The following XYLT1 variants were observed in gnomAD, a reference collection of about 807,000 sequenced individuals.
The protein encoded by XYLT1 is xylosyltransferase 1, also known as beta-D-xylosyltransferase 1.
In XYLT1, 36 loss-of-function variants were observed where a neutral mutation model predicts 91.3. The ratio of observed to expected loss-of-function variants is 0.39; its 90% CI spans 0.30 to 0.52. The LOEUF (loss-of-function observed/expected upper bound fraction) is 0.52, where lower values mean the gene tolerates loss of function less well. XYLT1 is among the 20% of genes least tolerant of loss of function. The pLI is 0.68. For synonymous variants in XYLT1, 588 were observed against 532.0 expected, an observed-to-expected ratio of 1.11 and a Z score of -1.45; for missense variants, 1,242 against 1,284.5, an observed-to-expected ratio of 0.97 and a Z score of 0.51.
At chr16:17,406,100 G>T (rs562810570) in intron 1 of XYLT1, among the ~76,000 whole-genome samples, 1 of 152,138 alleles carries the variant, frequency 6.6e-6, no homozygotes. Context: ...CAGGAGAATC[G>T]CTTGAACCTG....
At chr16:17,344,241 G>T (rs985211109) in intron 2 of XYLT1, among the ~76,000 whole-genome samples, 1 of 151,774 alleles carries the variant, frequency 6.6e-6, no homozygotes. Flanking sequence ...CCAGCACTTT[G>T]GGAGGCCAAG....
intron 7 of XYLT1, among the ~76,000 whole-genome samples, chr16:17,139,828 C>T (rs1413107438): frequency 6.6e-6 from 1 of 152,174 alleles, no homozygotes; most frequent in Admixed American, 6.5e-5. Flanking sequence ...AACATGTGTG[C>T]AGAATAGTAA....
chr16:17,351,749 T>TGGGA (rs1555499398), intron 2 of XYLT1, among the ~76,000 whole-genome samples: 2 of 134,844 alleles, frequency 1.5e-5, no homozygotes. Context: ...GCTTTTTTTT[T>TGGGA]GGGGGGGGGT....
At position 17,169,708 on chromosome 16, in the gene XYLT1, A is replaced by G. The variant is rs1301355194; in HGVS notation, c.1290-10799T>C. On this transcript the variant is annotated intron_variant, in intron 5 of 11. Transcript: ENST00000261381. The stretch of plus-strand genomic sequence containing the variant: ...GGGGATCGTGTGTGTGCACATATGT[A>G]TATGAAGTCTATTTAACTGTATTTT... 2.0e-5 allele frequency among the ~76,000 whole-genome samples: 3 copies of G among 152,152 alleles called. No homozygotes were observed. The East Asian group carries it at 5.8e-4, about 29-fold the overall frequency.
At chr16:17,388,056 C>T (rs2141889685) in intron 1 of XYLT1, among the ~76,000 whole-genome samples, 1 of 152,306 alleles carries the variant, frequency 6.6e-6, no homozygotes, top group South Asian at 2.1e-4. Flanking sequence ...ATTTAACGCA[C>T]CTAACCTACC....
chr16:17,426,788 A>C (rs747491667), intron 1 of XYLT1, among the ~76,000 whole-genome samples: 1 of 152,238 alleles, frequency 6.6e-6, no homozygotes, highest in Non-Finnish European at 1.5e-5. Flanking sequence ...GGCCCTTTAC[A>C]GAAAACATTC....
chr16:17,269,929 A>G (rs1228223695), intron 2 of XYLT1, among the ~76,000 whole-genome samples: 2 of 152,086 alleles, frequency 1.3e-5, no homozygotes, highest in East Asian at 3.9e-4. Context: ...CTCCTGCCTC[A>G]GCCTCCTGAG....
rs146457574 is a variant in XYLT1 at position 17,117,905 on chromosome 16, C to T, written c.2298G>A (p.Pro766=). 2.0e-5 allele frequency: 32 copies of T among 1,614,100 alleles called. No individual in the cohort carries two copies. The highest frequency in any genetic ancestry group is 8.0e-5 in the African/African-American group (6 of 75,022). ...CCTTCCCCCACTTCTGCATACCCAC[C>T]GGCTCATCCATGGGCCCCAGAAGAC... The part of the protein sequence containing the change: ...FGGLLGPMDE[P]VGMQKWGKGP... The change falls in exon 11 of 12, where the codon CCG becomes CCA. Residue 766 remains proline, a synonymous_variant. Coordinates refer to ENST00000261381, the MANE Select transcript of XYLT1 (RefSeq NM_022166.4).
At chr16:17,158,965 T>C in intron 5 of XYLT1, 56 bp from the exon 6 acceptor site, 2 of 1,511,752 alleles carry the variant, frequency 1.3e-6, no homozygotes, top group Non-Finnish European at 1.8e-6. Context: ...ACTGTCTTTG[T>C]CACAGAAAGC....
intron 2 of XYLT1, among the ~76,000 whole-genome samples, chr16:17,267,821 C>T (rs562599343): frequency 1.3e-5 from 2 of 152,188 alleles, no homozygotes; most frequent in Non-Finnish European, 2.9e-5. Context: ...TTGTCTGCCT[C>T]AGTTTCCTTC....
chr16:17,111,589 T>C (rs915660437), intron 11 of XYLT1, among the ~76,000 whole-genome samples: 1 of 152,200 alleles, frequency 6.6e-6, no homozygotes, highest in Non-Finnish European at 1.5e-5. Context: ...TATTAACAAG[T>C]GTCCAGAGCA....
intron 6 of XYLT1, among the ~76,000 whole-genome samples, chr16:17,145,812 A>G (rs892720373): frequency 3.9e-5 from 6 of 152,250 alleles, no homozygotes; most frequent in African/African-American, 1.4e-4. Context: ...CTGTGGCACA[A>G]AAATGCTTCC....
chr16:17,465,143 C>CAAAAAAAAAAAAAAAAA (rs35623153), intron 1 of XYLT1, among the ~76,000 whole-genome samples: 1 of 35,872 alleles, frequency 2.8e-5, no homozygotes, highest in East Asian at 9.5e-4. Flanking sequence ...GATGCTGTCT[C>CAAAAAAAAAAAAAAAAA]AAAAAAAAAA....
At chr16:17,143,940 T>C (rs1284085461) in intron 6 of XYLT1, among the ~76,000 whole-genome samples, 1 of 152,220 alleles carries the variant, frequency 6.6e-6, no homozygotes, top group Non-Finnish European at 1.5e-5. Flanking sequence ...ACCACCATCT[T>C]CATCCCCATT....
chr16:17,386,904 G>T (rs2035754417), intron 1 of XYLT1, among the ~76,000 whole-genome samples: 1 of 152,172 alleles, frequency 6.6e-6, no homozygotes, highest in South Asian at 2.1e-4. Flanking sequence ...CATGTCAAAA[G>T]ATGGCAAATT....
intron 1 of XYLT1, among the ~76,000 whole-genome samples, chr16:17,362,934 G>A (rs2035403567): frequency 6.6e-6 from 1 of 152,098 alleles, no homozygotes; most frequent in African/African-American, 2.4e-5. Flanking sequence ...TTCCACAGAC[G>A]CTCCCAGGGA....
intron 1 of XYLT1, among the ~76,000 whole-genome samples, chr16:17,411,750 A>C (rs1208565752): frequency 1.3e-5 from 2 of 152,194 alleles, no homozygotes; most frequent in Admixed American, 1.3e-4. Flanking sequence ...TGGGAGAATG[A>C]CCAGATGCCT....
rs928132675 is a variant in XYLT1, at chr16:17,138,113, G to A, written c.1764+242C>T. On this transcript the variant is annotated intron_variant, in intron 8 of 11. Coordinates refer to ENST00000261381, the MANE Select transcript of XYLT1 (RefSeq NM_022166.4). Reference sequence around the variant, plus strand: ...CTCACAGTTTTCATATCCCTAAAATGGAATAATAATGAAAGGTCATTTGTT... The same window carrying A: ...CTCACAGTTTTCATATCCCTAAAATAGAATAATAATGAAAGGTCATTTGTT... 1.6e-5 allele frequency: 7 copies of A among 451,604 alleles called. No homozygotes were observed. In the Admixed American group the frequency reaches 2.1e-4, roughly 14 times the overall value. The allele number at this position is 451,604 out of a possible 1,614,324, so 28.0% of individuals were successfully genotyped here. A position where few individuals can be genotyped will look rare whatever the true frequency, so the allele number is the denominator to read the frequency against.
chr16:17,207,510 T>TAGCCAGACAGCTTC (rs1395600399), intron 3 of XYLT1, among the ~76,000 whole-genome samples: 4 of 152,128 alleles, frequency 2.6e-5, no homozygotes, highest in African/African-American at 9.7e-5. Context: ...CTGACAGATT[T>TAGCCAGACAGCTTC]AGCCAGACAG....
Sources: allele counts gnomAD v4.1 joint callset (sites outside exome capture counted in the v4.1 genomes callset), GRCh38; gene constraint gnomAD v4.1.1; transcripts MANE v1.5; gene names NCBI Gene and HGNC (gene_info 2026-07-23, HGNC 2026-07-21).